Variants in ERBB4 observed in about 807,000 individuals in gnomAD.
ERBB4 encodes the protein receptor tyrosine-protein kinase erbB-4.
In ERBB4, 42 loss-of-function variants were observed where a neutral mutation model predicts 158.0. The observed-to-expected ratio is 0.27, with a 90% confidence interval of 0.21 to 0.34. ERBB4 has a LOEUF of 0.34. ERBB4 is among the 10% of genes least tolerant of loss of function. ERBB4 has a pLI of 1.00. For synonymous variants in ERBB4, 583 were observed against 558.7 expected, an observed-to-expected ratio of 1.04 and a Z score of -0.61; for missense variants, 1,333 against 1,624.1, an observed-to-expected ratio of 0.82 and a Z score of 3.08.
At chr2:212,485,416 T>C (rs1689920682) in intron 1 of ERBB4, among the ~76,000 whole-genome samples, 1 of 152,194 alleles carries the variant, frequency 6.6e-6, no homozygotes, top group Non-Finnish European at 1.5e-5. Flanking sequence ...TGCATTAATG[T>C]CAGGCCTAAT....
chr2:211,538,232 C>T (rs566221439), intron 20 of ERBB4, among the ~76,000 whole-genome samples: 101 of 145,472 alleles, frequency 6.9e-4, no homozygotes, highest in African/African-American at 2.6e-3. Context: ...CAATACTTCA[C>T]GCAGGAGATG....
Position 212,003,216 on chromosome 2 carries a change from G to GAAAGAAAGAAAGAAA in ERBB4, c.235-55601_235-55600insTTTCTTTCTTTCTTT, listed in dbSNP as rs1491317567. Among the ~76,000 whole-genome samples, 4 of 34,474 alleles carry GAAAGAAAGAAAGAAA rather than the reference G, an allele frequency of 1.2e-4. 1 individual carries two copies. Among genetic ancestry groups the GAAAGAAAGAAAGAAA allele is most frequent in the Non-Finnish European group, 2.6e-4 (4 of 15,622 alleles). 22.6% of individuals were successfully genotyped at this position (34,474 alleles called of 152,430 possible). ...AAGAAAGAAAGAAAGACAGAAAGAA[G>GAAAGAAAGAAAGAAA]GAAGGAAGGAAGGAAGGAAGGAAGG... On this transcript the variant is annotated intron_variant, in intron 2 of 27. Coordinates refer to ENST00000342788, the MANE Select transcript of ERBB4 (RefSeq NM_005235.3).
At chr2:212,351,171 G>A (rs62184064) in intron 1 of ERBB4, among the ~76,000 whole-genome samples, 14,992 of 152,128 alleles carry the variant, frequency 0.099, 826 homozygotes, top group Admixed American at 0.14. Context: ...AACCTGACAG[G>A]TGTCCTTATA....
rs1361538531 is a variant in ERBB4, at chr2:211,431,116, T to A, written c.2488-16A>T. The A allele has an allele frequency of 6.2e-7, 1 of 1,610,498 alleles. No homozygotes were observed. The highest frequency in any genetic ancestry group is 1.7e-5 in the Admixed American group (1 of 59,994). On this transcript the variant is annotated splice_polypyrimidine_tract_variant and intron_variant, in intron 20 of 27. Transcript: ENST00000342788. ...ACATCATTCCCTGAAAAATATCAAG[T>A]TCCTTAATGATATTCAGTTAATGCC...
chr2:212,021,340 C>T (rs762923270), intron 2 of ERBB4, among the ~76,000 whole-genome samples: 83 of 151,996 alleles, frequency 5.5e-4, no homozygotes, highest in Admixed American at 4.1e-3. Context: ...TAGCATGATG[C>T]CAAAAGAGCA....
At chr2:212,028,192 C>A (rs1182959237) in intron 2 of ERBB4, among the ~76,000 whole-genome samples, 2 of 152,008 alleles carry the variant, frequency 1.3e-5, no homozygotes, top group African/African-American at 4.8e-5. Context: ...TAGAAAAGTA[C>A]AATCATGTGA....
At chr2:212,468,705 T>C (rs192372985) in intron 1 of ERBB4, among the ~76,000 whole-genome samples, 65 of 152,360 alleles carry the variant, frequency 4.3e-4, no homozygotes, top group African/African-American at 1.5e-3. Flanking sequence ...TTTTGGTATT[T>C]CACGAGAGTG....
chr2:212,007,253 T>C (rs2076280319), intron 2 of ERBB4, among the ~76,000 whole-genome samples: 1 of 151,842 alleles, frequency 6.6e-6, no homozygotes, highest in South Asian at 2.1e-4. Context: ...CTTCTGTTTG[T>C]AAAGGAAAAA....
chr2:211,867,232 C>T (rs994328206), intron 3 of ERBB4, among the ~76,000 whole-genome samples: 20 of 152,096 alleles, frequency 1.3e-4, no homozygotes, highest in African/African-American at 4.3e-4. Flanking sequence ...CTGCTATTCA[C>T]TTTACTTTTT....
At chr2:212,317,081 T>C (rs1444720429) in intron 1 of ERBB4, among the ~76,000 whole-genome samples, 4 of 151,530 alleles carry the variant, frequency 2.6e-5, no homozygotes, top group Non-Finnish European at 4.4e-5. Context: ...CAACTAAAAA[T>C]GTAAAATTGT....
At chr2:212,004,892 GATTA>G (rs1297670456) in intron 2 of ERBB4, among the ~76,000 whole-genome samples, 3 of 151,918 alleles carry the variant, frequency 2.0e-5, no homozygotes, top group Admixed American at 6.6e-5. Flanking sequence ...TAAATTACAT[GATTA>G]ATTATTTCAG....
At chr2:211,614,380 G>T (rs962464423) in intron 19 of ERBB4, among the ~76,000 whole-genome samples, 1 of 151,978 alleles carries the variant, frequency 6.6e-6, no homozygotes, top group Non-Finnish European at 1.5e-5. Flanking sequence ...ATAGTCAATG[G>T]TAACCTAATT....
intron 1 of ERBB4, among the ~76,000 whole-genome samples, chr2:212,223,546 T>C (rs577704548): frequency 6.6e-6 from 1 of 151,100 alleles, no homozygotes; most frequent in African/African-American, 2.4e-5. Flanking sequence ...ATAAAAATTA[T>C]TCACATGTTT....
rs562840347 is a variant in ERBB4 at position 212,058,749 on chromosome 2, G to A, written c.234+66003C>T. On this transcript the variant is annotated intron_variant, in intron 2 of 27. Coordinates refer to ENST00000342788, the MANE Select transcript of ERBB4 (RefSeq NM_005235.3). Reference sequence around the variant, plus strand: ...TTGACAAAATTCAACAGCCCTTCATGCTAAAAACTCTCAATAAATTAGGTA... The same window carrying A: ...TTGACAAAATTCAACAGCCCTTCATACTAAAAACTCTCAATAAATTAGGTA... 1.8e-3 allele frequency among the ~76,000 whole-genome samples: 273 copies of A among 152,268 alleles called. 6 individuals are homozygous for A. The highest frequency in any genetic ancestry group is 2.9e-4 in the Non-Finnish European group (20 of 68,030).
intron 1 of ERBB4, among the ~76,000 whole-genome samples, chr2:212,270,463 C>T (rs1203402666): frequency 6.6e-6 from 1 of 151,684 alleles, no homozygotes; most frequent in African/African-American, 2.4e-5. Flanking sequence ...TTCCTCCTCC[C>T]ATCGTTTATT....
At chr2:211,477,805 C>T (rs1181009700) in intron 20 of ERBB4, among the ~76,000 whole-genome samples, 2 of 152,088 alleles carry the variant, frequency 1.3e-5, no homozygotes, top group African/African-American at 4.8e-5. Context: ...CTTATTATTG[C>T]ATAACAGTTC....
At chr2:211,397,591 G>C (rs911313800) in intron 25 of ERBB4, among the ~76,000 whole-genome samples, 2 of 152,102 alleles carry the variant, frequency 1.3e-5, no homozygotes, top group Non-Finnish European at 2.9e-5. Flanking sequence ...TCCTTAGATT[G>C]TCCACCTGAG....
At chr2:211,788,267 C>A in intron 3 of ERBB4, 108 bp from the exon 4 acceptor site, 1 of 789,202 alleles carries the variant, frequency 1.3e-6, no homozygotes, top group South Asian at 1.5e-5. Flanking sequence ...AAATTAGAGT[C>A]ATGTTGCTAA....
intron 1 of ERBB4, among the ~76,000 whole-genome samples, chr2:212,464,462 TC>T (rs1415557326): frequency 6.6e-5 from 10 of 152,124 alleles, no homozygotes; most frequent in East Asian, 1.9e-4. Context: ...CAGATTTTTT[TC>T]ATAGCAATTA....
Sources: gnomAD v4.1 joint callset for allele counts (sites outside exome capture counted in the v4.1 genomes callset) on GRCh38, gnomAD v4.1.1 for gene constraint, MANE v1.5 for transcripts, NCBI Gene and HGNC (gene_info 2026-07-23, HGNC 2026-07-21) for gene names.